Variants in DTNA observed in about 807,000 individuals in gnomAD.
The protein encoded by DTNA is dystrophin-related protein 3.
DTNA carries 43 observed loss-of-function variants against 100.7 expected under a neutral mutation model. The observed-to-expected ratio is 0.43, with a 90% CI of 0.33 to 0.55. The LOEUF is 0.55. Among genes scored for constraint, DTNA ranks in the 20% least tolerant of loss-of-function variants. The probability of loss-of-function intolerance (pLI) is 0.04; values close to 1 mark genes in which losing one functional copy is unlikely to be tolerated. For missense variants in DTNA, 798 were observed against 953.9 expected, an observed-to-expected ratio of 0.84 and a Z score of 2.15; for synonymous variants, 349 against 347.9, an observed-to-expected ratio of 1.00 and a Z score of -0.04.
At chr18:34,690,088 G>A (rs2079530543) in intron 1 of DTNA, among the ~76,000 whole-genome samples, 2 of 152,196 alleles carry the variant, frequency 1.3e-5, no homozygotes, top group Non-Finnish European at 2.9e-5. Context: ...GGTTTCTTTG[G>A]GGTGGGATCC....
intron 1 of DTNA, among the ~76,000 whole-genome samples, chr18:34,556,700 C>T (rs2046094225): frequency 1.3e-5 from 2 of 149,958 alleles, no homozygotes; most frequent in Non-Finnish European, 3.0e-5. Flanking sequence ...ATATCGGCCC[C>T]CACTCTCTTC....
chr18:34,577,982 C>T (rs2048276037), intron 1 of DTNA, among the ~76,000 whole-genome samples: 1 of 150,984 alleles, frequency 6.6e-6, no homozygotes, highest in Non-Finnish European at 1.5e-5. Context: ...GGTAGATACC[C>T]AGTAGTGGGA....
chr18:34,721,837 G>A (rs1329645420), intron 1 of DTNA, among the ~76,000 whole-genome samples: 1 of 152,098 alleles, frequency 6.6e-6, no homozygotes, highest in Admixed American at 6.6e-5. Context: ...TTGCCCTTGA[G>A]TTTAGTTATC....
At chr18:34,809,243 T>C (rs773590977) in intron 5 of DTNA, among the ~76,000 whole-genome samples, 3 of 151,918 alleles carry the variant, frequency 2.0e-5, no homozygotes, top group Non-Finnish European at 2.9e-5. Context: ...CCTTGGTGAG[T>C]GGGATTGTGG....
At chr18:34,535,980 T>A (rs2043668908) in intron 1 of DTNA, among the ~76,000 whole-genome samples, 1 of 152,102 alleles carries the variant, frequency 6.6e-6, no homozygotes, top group Non-Finnish European at 1.5e-5. Flanking sequence ...AAAATAAGTT[T>A]ACCTCTGCTT....
At chr18:34,817,513 A>G (rs2095621387) in intron 7 of DTNA, among the ~76,000 whole-genome samples, 1 of 152,090 alleles carries the variant, frequency 6.6e-6, no homozygotes, top group Non-Finnish European at 1.5e-5. Flanking sequence ...AGGCATTTGA[A>G]TTATTTAGAA....
intron 1 of DTNA, among the ~76,000 whole-genome samples, chr18:34,596,891 T>C (rs2050726858): frequency 6.6e-6 from 1 of 152,150 alleles, no homozygotes; most frequent in East Asian, 1.9e-4. Context: ...GTGGGATACA[T>C]GTGCAGAACG....
chr18:34,605,730 A>G (rs1233069659), intron 1 of DTNA, among the ~76,000 whole-genome samples: 1 of 152,068 alleles, frequency 6.6e-6, no homozygotes, highest in Non-Finnish European at 1.5e-5. Flanking sequence ...GCTTAAGGGC[A>G]ATGCAGAAGT....
At chr18:34,816,917 AATG>A (rs2095609373) in intron 7 of DTNA, among the ~76,000 whole-genome samples, 1 of 152,220 alleles carries the variant, frequency 6.6e-6, no homozygotes, top group South Asian at 2.1e-4. Context: ...AAATTTAAAG[AATG>A]AATTTATTTT....
chr18:34,639,084 A>T (rs1031995745), intron 1 of DTNA, among the ~76,000 whole-genome samples: 2 of 152,144 alleles, frequency 1.3e-5, no homozygotes, highest in African/African-American at 4.8e-5. Context: ...CAGGTGATCC[A>T]CCTGCCTCGG....
intron 2 of DTNA, among the ~76,000 whole-genome samples, chr18:34,761,097 C>G (rs1601586551): frequency 1.3e-5 from 2 of 151,862 alleles, no homozygotes; most frequent in South Asian, 2.1e-4. Context: ...CTTTCTCTCT[C>G]TCAGTATCTC....
At position 34,671,559 on chromosome 18, in the gene DTNA, T is replaced by G. The variant is rs991486753; in HGVS notation, c.-1-84417T>G. Among the ~76,000 whole-genome samples, 5 of 152,364 alleles carry G rather than the reference T, an allele frequency of 3.3e-5. No homozygotes were observed. The South Asian group carries it at 6.2e-4, about 19-fold the overall frequency. On this transcript the variant is annotated intron_variant, in intron 1 of 19. Coordinates refer to the DTNA transcript ENST00000283365. ...TGATGTTTAAAAATGTGGAATTGCA[T>G]GTGCTCAGTACAAATTTAATTCAGA...
In DTNA at chr18:34,545,177, C is replaced by T. The variant is rs554438572; in HGVS notation, c.-2+51663C>T. On this transcript the variant is annotated intron_variant, in intron 1 of 19. Coordinates refer to the DTNA transcript ENST00000283365. ...CATAGGGAAGTATGAGTCCAGGCAG[C>T]GCTTGGAACAAGGGATCTGATAAGT... is the stretch of plus-strand genomic sequence containing the variant. 1.1e-3 allele frequency among the ~76,000 whole-genome samples: 161 copies of T among 151,990 alleles called. 4 individuals are homozygous for T. Among genetic ancestry groups the T allele is most frequent in the Admixed American group, 2.6e-4 (4 of 15,252 alleles).
intron 16 of DTNA, among the ~76,000 whole-genome samples, chr18:34,858,891 G>T (rs1182737014): frequency 6.6e-6 from 1 of 151,868 alleles, no homozygotes; most frequent in African/African-American, 2.4e-5. Context: ...GATTACAGGC[G>T]TGCGCCACCA....
At chr18:34,551,264 CTT>C (rs2045382181) in intron 1 of DTNA, among the ~76,000 whole-genome samples, 1 of 152,138 alleles carries the variant, frequency 6.6e-6, no homozygotes, top group Non-Finnish European at 1.5e-5. Context: ...AGGCCTTTCT[CTT>C]CACCCTACCC....
intron 1 of DTNA, among the ~76,000 whole-genome samples, chr18:34,559,095 A>T (rs1194236606): frequency 6.6e-6 from 1 of 152,232 alleles, no homozygotes; most frequent in African/African-American, 2.4e-5. Context: ...ACTAAGTTCT[A>T]GTAACAATAA....
At chr18:34,617,316 G>T (rs775795650) in intron 1 of DTNA, among the ~76,000 whole-genome samples, 2 of 151,972 alleles carry the variant, frequency 1.3e-5, no homozygotes, top group Non-Finnish European at 2.9e-5. Flanking sequence ...GCTTGTTGAG[G>T]GTTTTAAACA....
intron 1 of DTNA, among the ~76,000 whole-genome samples, chr18:34,681,424 A>G (rs1180064836): frequency 6.6e-6 from 1 of 152,088 alleles, no homozygotes; most frequent in Non-Finnish European, 1.5e-5. Context: ...ATGAATTTTC[A>G]CAAAGTGTAT....
chr18:34,807,878 G>GAA (rs556641813), intron 5 of DTNA, among the ~76,000 whole-genome samples: 1 of 91,474 alleles, frequency 1.1e-5, no homozygotes, highest in African/African-American at 4.0e-5. Flanking sequence ...CAAAAAAAAA[G>GAA]AAAAAAAAAA....
Sources: allele counts gnomAD v4.1 joint callset (sites outside exome capture counted in the v4.1 genomes callset), GRCh38; gene constraint gnomAD v4.1.1; transcripts MANE v1.5; gene names NCBI Gene and HGNC (gene_info 2026-07-23, HGNC 2026-07-21).